The following DEFB112 variants were observed in gnomAD, a reference collection of about 807,000 sequenced individuals.
The protein encoded by DEFB112 is defensin beta 112.
DEFB112 carries 2 observed loss-of-function variants against 1.1 expected under a neutral mutation model. The observed-to-expected ratio is 1.85, with a 90% confidence interval of 0.76 to 5.83. DEFB112 has a LOEUF of 5.83. Among genes scored for constraint, DEFB112 ranks in the 30% most tolerant of loss-of-function variants. The probability of loss-of-function intolerance (pLI) is 0.05; values close to 1 mark genes in which losing one functional copy is unlikely to be tolerated. For synonymous variants in DEFB112, 40 were observed against 31.2 expected (o/e 1.28, Z -0.93); for missense variants, 120 against 94.4 (o/e 1.27, Z -1.12).
intron 1 of DEFB112, among the ~76,000 whole-genome samples, chr6:50,048,970 T>A (rs886391534): frequency 6.6e-6 from 1 of 152,130 alleles, no homozygotes; most frequent in South Asian, 2.1e-4. Context: ...TCAGTGTTTA[T>A]TGAAATCTGT....
At chr6:50,044,995 C>A (rs1035396989) in intron 1 of DEFB112, among the ~76,000 whole-genome samples, 1 of 152,022 alleles carries the variant, frequency 6.6e-6, no homozygotes, top group Non-Finnish European at 1.5e-5. Flanking sequence ...TGAGACTACA[C>A]TATCAGAGGA....
chr6:50,044,095 A>C (rs1012477527), intron 1 of DEFB112, among the ~76,000 whole-genome samples: 5 of 152,020 alleles, frequency 3.3e-5, no homozygotes, highest in South Asian at 2.1e-4. Flanking sequence ...CATTGACTAG[A>C]ACCATTGGAT....
At position 50,043,819 on chromosome 6, in the gene DEFB112, C is replaced by T. The variant is rs764773540; in HGVS notation, c.59-18G>A. Reference sequence around the variant, plus strand: ...ACTTCTGGCTGAAAGAAGGCAAGAACAGCTGGAATTAGTAATCTAGGTGGG... The same window carrying T: ...ACTTCTGGCTGAAAGAAGGCAAGAATAGCTGGAATTAGTAATCTAGGTGGG... On this transcript the variant is annotated intron_variant, in intron 1 of 1. Coordinates refer to ENST00000651554, the MANE Select transcript of DEFB112 (RefSeq NM_001369057.2). The T allele has an allele frequency of 1.2e-6, 2 of 1,607,266 alleles. No homozygotes were observed. Among genetic ancestry groups the T allele is most frequent in the Admixed American group, 1.7e-5 (1 of 59,900 alleles).
chr6:50,047,308 C>A (rs1376325329), intron 1 of DEFB112, among the ~76,000 whole-genome samples: 2 of 152,174 alleles, frequency 1.3e-5, no homozygotes, highest in Non-Finnish European at 2.9e-5. Context: ...CCATGGGGGC[C>A]TGCTCGGTGC....
At position 50,043,684 on chromosome 6, in the gene DEFB112, G is replaced by A; in HGVS notation, c.176C>T (p.Pro59Leu). Residue 59 changes from proline (P) to leucine (L), a missense_variant, in exon 2 of 2, where the codon CCT (proline) becomes CTT (leucine). Coordinates refer to ENST00000651554, the MANE Select transcript of DEFB112 (RefSeq NM_001369057.2). ...SEFRISYCAR[P>L]TTHCCVTECD... is the part of the protein sequence containing the mutation. ...TTCTGTCACGCAGCAATGAGTTGTA[G>A]GTCTTGCACAGTATGAAATCCTAAA... 6.2e-7 allele frequency: 1 copy of A among 1,613,490 alleles called. No individual in the cohort carries two copies. The highest frequency in any genetic ancestry group is 1.1e-5 in the South Asian group (1 of 91,078).
rs532343716 is a variant in DEFB112, at chr6:50,043,676, G to T, written c.184C>A (p.His62Asn). Residue 62 changes from histidine (H) to asparagine (N), a missense_variant, in exon 2 of 2, where the codon CAT becomes AAT. Physicochemically the swap from His to Asn is moderately conservative, Grantham distance 68. Transcript: ENST00000651554. ...GGGTCACATTCTGTCACGCAGCAATGAGTTGTAGGTCTTGCACAGTATGAA... is the reference window on the plus strand; with the variant it reads ...GGGTCACATTCTGTCACGCAGCAATTAGTTGTAGGTCTTGCACAGTATGAA... The part of the protein sequence containing the change: ...RISYCARPTT[H>N]CCVTECDPTD... 1.9e-6 allele frequency: 3 copies of T among 1,613,558 alleles called. No individual in the cohort carries two copies. The highest frequency in any genetic ancestry group is 1.3e-5 in the African/African-American group (1 of 75,014).
At chr6:50,043,842 G>A (rs780551630) in intron 1 of DEFB112, 41 bp from the exon 2 acceptor site, 1 of 1,545,074 alleles carries the variant, frequency 6.5e-7, no homozygotes, top group Non-Finnish European at 8.9e-7. Context: ...TAATCTAGGT[G>A]GGAACTCCCA....
In DEFB112 at chr6:50,042,428, G is replaced by A. The variant is rs1774759444; in HGVS notation, c.*1147C>T. 2.0e-5 allele frequency among the ~76,000 whole-genome samples: 3 copies of A among 151,936 alleles called. No individual in the cohort carries two copies. Among genetic ancestry groups the A allele is most frequent in the Admixed American group, 6.6e-5 (1 of 15,224 alleles). On this transcript the variant is annotated 3_prime_UTR_variant, in exon 2 of 2. Coordinates refer to ENST00000651554, the MANE Select transcript of DEFB112 (RefSeq NM_001369057.2). The stretch of plus-strand genomic sequence containing the variant: ...CACAGCAGCATAAGAAACCTACCAG[G>A]TACAAGTAGCCTCAACTTAAATACC...
At position 50,043,590 on chromosome 6, in the gene DEFB112, T is replaced by C. The variant is rs144886980; in HGVS notation, c.270A>G (p.Lys90=). The C allele has an allele frequency of 4.3e-6, 7 of 1,612,948 alleles. No homozygotes were observed. In the African/African-American group the frequency reaches 9.3e-5, roughly 22 times the overall value. ...DSVGTQEWYP[K]DSRH Reference sequence around the variant, plus strand: ...ATGGATTTCTTCAATGACGTGAGTCTTTAGGGTACCATTCTTGAGTCCCTA... The same window carrying C: ...ATGGATTTCTTCAATGACGTGAGTCCTTAGGGTACCATTCTTGAGTCCCTA... The change falls in exon 2 of 2, where the codon AAA becomes AAG. Residue 90 remains lysine, a synonymous_variant. Coordinates refer to ENST00000651554, the MANE Select transcript of DEFB112 (RefSeq NM_001369057.2).
In DEFB112 at chr6:50,042,632, T is replaced by C. The variant is rs1240795090; in HGVS notation, c.*943A>G. On this transcript the variant is annotated 3_prime_UTR_variant, in exon 2 of 2. Coordinates refer to ENST00000651554, the MANE Select transcript of DEFB112 (RefSeq NM_001369057.2). ...AACCATCACCTATTTTTAGAGTTGATATTTCAAAATGTTTGAATAAGGGGA... is the reference window on the plus strand; with the variant it reads ...AACCATCACCTATTTTTAGAGTTGACATTTCAAAATGTTTGAATAAGGGGA... 6.6e-6 allele frequency among the ~76,000 whole-genome samples: 1 copy of C among 151,988 alleles called. No homozygotes were observed. The highest frequency in any genetic ancestry group is 2.4e-5 in the African/African-American group (1 of 41,406).
chr6:50,043,856 T>C (rs1459345944), intron 1 of DEFB112, 55 bp from the exon 2 acceptor site: 1 of 1,457,962 alleles, frequency 6.9e-7, no homozygotes, highest in African/African-American at 1.4e-5. Flanking sequence ...ACTCCCAAGA[T>C]TTAAAAGAAG....
intron 1 of DEFB112, among the ~76,000 whole-genome samples, chr6:50,045,848 A>G (rs1192390511): frequency 6.6e-6 from 1 of 152,182 alleles, no homozygotes; most frequent in Non-Finnish European, 1.5e-5. Flanking sequence ...TTTGCAGCAC[A>G]TGACTGTTTA....
rs1774763985 is a variant in DEFB112, at chr6:50,042,670, T to C, written c.*905A>G. Among the ~76,000 whole-genome samples the C allele has an allele frequency of 6.6e-6, 1 of 151,734 alleles. No homozygotes were observed. The highest frequency in any genetic ancestry group is 2.4e-5 in the African/African-American group (1 of 41,162). On this transcript the variant is annotated 3_prime_UTR_variant, in exon 2 of 2. Coordinates refer to ENST00000651554, the MANE Select transcript of DEFB112 (RefSeq NM_001369057.2). ...TTGAATAAGGGGAAAATCTTTAATC[T>C]AGGTGAGGTATTAAGACCAACTGCT...
In DEFB112 at chr6:50,048,640, C is replaced by A. The variant is rs758717051; in HGVS notation, c.58+1172G>T. On this transcript the variant is annotated intron_variant, in intron 1 of 1. Coordinates refer to ENST00000651554, the MANE Select transcript of DEFB112 (RefSeq NM_001369057.2). ...CAAGTTTCAGTCTACATATGGTTGTCAATAATTTCATAAGAGTGCTAAGAG... is the reference window on the plus strand; with the variant it reads ...CAAGTTTCAGTCTACATATGGTTGTAAATAATTTCATAAGAGTGCTAAGAG... The A allele has an allele frequency of 4.3e-6, 7 of 1,610,696 alleles. No homozygotes were observed. The South Asian group carries it at 7.7e-5, about 18-fold the overall frequency.
rs1774772466 is a variant in DEFB112 at position 50,043,104 on chromosome 6, G to C, written c.*471C>G. ...TTTCATAATTCTTTCAAAAAAGAGA[G>C]AAAAAGTATAACCAGGAAGTATAAG... On this transcript the variant is annotated 3_prime_UTR_variant, in exon 2 of 2. Transcript: ENST00000651554. Among the ~76,000 whole-genome samples the C allele has an allele frequency of 6.6e-6, 1 of 151,876 alleles. No individual in the cohort carries two copies.
At chr6:50,046,826 G>C (rs749220822) in intron 1 of DEFB112, among the ~76,000 whole-genome samples, 1 of 152,178 alleles carries the variant, frequency 6.6e-6, no homozygotes, top group African/African-American at 2.4e-5. Context: ...TGGTGTAATG[G>C]ACAAGAGGGA....
intron 1 of DEFB112, chr6:50,048,462 A>C: frequency 2.4e-6 from 3 of 1,273,440 alleles, no homozygotes; most frequent in Non-Finnish European, 3.4e-6. Flanking sequence ...GAATATACTC[A>C]GAATATTTAC....
chr6:50,042,204 G>A lies in DEFB112; in HGVS notation c.*1371C>T, dbSNP rs1774754992. On this transcript the variant is annotated 3_prime_UTR_variant, in exon 2 of 2. Transcript: ENST00000651554. ...ACCCCTGAAGTGGGGTTCAGAGTTT[G>A]GATCATAAACCAAAATCACAAGATG... Among the ~76,000 whole-genome samples, 2 of 151,924 alleles carry A rather than the reference G, an allele frequency of 1.3e-5. No individual in the cohort carries two copies. Among genetic ancestry groups the A allele is most frequent in the Non-Finnish European group, 2.9e-5 (2 of 67,938 alleles).
intron 1 of DEFB112, among the ~76,000 whole-genome samples, chr6:50,046,681 G>T (rs1486198874): frequency 6.6e-6 from 1 of 151,736 alleles, no homozygotes; most frequent in East Asian, 1.9e-4. Flanking sequence ...TTATTTATTA[G>T]AATTTTAAAA....
Sources: allele counts gnomAD v4.1 joint callset (sites outside exome capture counted in the v4.1 genomes callset), GRCh38; gene constraint gnomAD v4.1.1; transcripts MANE v1.5; gene names NCBI Gene and HGNC (gene_info 2026-07-23, HGNC 2026-07-21).